Variants in MIPOL1 observed in about 807,000 individuals in gnomAD.
MIPOL1 encodes the protein mirror-image polydactyly gene 1 protein.
In MIPOL1, 57 loss-of-function variants were observed where a neutral mutation model predicts 60.9. That is an observed-to-expected ratio of 0.94 (90% confidence interval 0.76 to 1.17). The LOEUF is 1.17. Ranked by LOEUF, MIPOL1 falls within the 50% of genes most tolerant of loss-of-function variation. The pLI is 0.00. For missense variants in MIPOL1, 551 were observed against 511.6 expected (o/e 1.08, Z -0.74); for synonymous variants, 179 against 168.8 (o/e 1.06, Z -0.47).
At chr14:37,477,720 C>A (rs1329043646) in intron 11 of MIPOL1, among the ~76,000 whole-genome samples, 1 of 152,132 alleles carries the variant, frequency 6.6e-6, no homozygotes, top group African/African-American at 2.4e-5. Flanking sequence ...GAGAAAAAGA[C>A]CCTCCCAGCC....
chr14:37,254,716 T>C (rs1034349296), intron 3 of MIPOL1, among the ~76,000 whole-genome samples: 1 of 151,842 alleles, frequency 6.6e-6, no homozygotes, highest in Non-Finnish European at 1.5e-5. Context: ...TAATTTATAA[T>C]GTTTTAAATC....
At chr14:37,236,113 A>T (rs553181474) in intron 1 of MIPOL1, among the ~76,000 whole-genome samples, 2 of 151,880 alleles carry the variant, frequency 1.3e-5, no homozygotes, top group Admixed American at 1.3e-4. Context: ...TTTAGTAGAG[A>T]CAGGGTTTCA....
At chr14:37,284,500 T>G (rs2084383163) in intron 6 of MIPOL1, among the ~76,000 whole-genome samples, 1 of 151,940 alleles carries the variant, frequency 6.6e-6, no homozygotes, top group Admixed American at 6.6e-5. Flanking sequence ...CCCACCACCA[T>G]GCCTGGCTAA....
At chr14:37,246,489 A>T (rs1470888198) in intron 1 of MIPOL1, among the ~76,000 whole-genome samples, 2 of 151,978 alleles carry the variant, frequency 1.3e-5, no homozygotes, top group Non-Finnish European at 2.9e-5. Flanking sequence ...GGTTTTGTGG[A>T]ATTTTTTTGT....
At chr14:37,402,564 A>G (rs531141521) in intron 10 of MIPOL1, among the ~76,000 whole-genome samples, 2 of 152,176 alleles carry the variant, frequency 1.3e-5, no homozygotes, top group Non-Finnish European at 2.9e-5. Context: ...TTAAATTGAA[A>G]TGCATTGAAA....
At chr14:37,394,614 G>GT (rs924618664) in intron 10 of MIPOL1, among the ~76,000 whole-genome samples, 135 of 151,410 alleles carry the variant, frequency 8.9e-4, no homozygotes, top group African/African-American at 2.9e-3. Flanking sequence ...GGGATTGTTT[G>GT]TTTTTTTTCT....
chr14:37,383,776 A>T (rs141232907), intron 10 of MIPOL1, among the ~76,000 whole-genome samples: 10 of 151,968 alleles, frequency 6.6e-5, no homozygotes, highest in Non-Finnish European at 1.3e-4. Context: ...AGGTTGTAAA[A>T]TGTAAGTAGT....
chr14:37,284,374 C>G (rs1594897993), intron 6 of MIPOL1, among the ~76,000 whole-genome samples: 1 of 152,052 alleles, frequency 6.6e-6, no homozygotes, highest in Non-Finnish European at 1.5e-5. Context: ...GACTGAGTCT[C>G]ACACTGTTGC....
At chr14:37,366,434 A>G (rs572120858) in intron 9 of MIPOL1, among the ~76,000 whole-genome samples, 1 of 151,864 alleles carries the variant, frequency 6.6e-6, no homozygotes, top group South Asian at 2.1e-4. Flanking sequence ...CATATTGTTT[A>G]ATTTTGGTGT....
rs143186418 is a variant in MIPOL1, at chr14:37,435,575, C to A, written c.1031+12626C>A. On this transcript the variant is annotated intron_variant, in intron 11 of 12. Transcript: ENST00000684589. ...CAGTGCTTGGCATGTCTCTGATGCT[C>A]AATAAGTGTTTTGAATGAATGAGTA... is the stretch of plus-strand genomic sequence containing the variant. Among the ~76,000 whole-genome samples the A allele has an allele frequency of 1.3e-4, 19 of 151,850 alleles. No individual in the cohort carries two copies. In the East Asian group the frequency reaches 3.5e-3, roughly 28 times the overall value.
intron 10 of MIPOL1, among the ~76,000 whole-genome samples, chr14:37,417,669 C>A (rs2093795788): frequency 6.6e-6 from 1 of 152,132 alleles, no homozygotes; most frequent in Admixed American, 6.5e-5. Context: ...GGTCTATGGT[C>A]ATGTTCTTTG....
chr14:37,215,925 A>G (rs964764556), intron 1 of MIPOL1, among the ~76,000 whole-genome samples: 3 of 152,214 alleles, frequency 2.0e-5, no homozygotes, highest in African/African-American at 4.8e-5. Flanking sequence ...AAAATTAGCC[A>G]GGCATGGTGG....
intron 11 of MIPOL1, among the ~76,000 whole-genome samples, chr14:37,480,893 C>T (rs1374914550): frequency 6.6e-6 from 1 of 152,160 alleles, no homozygotes; most frequent in Non-Finnish European, 1.5e-5. Context: ...AATACCAGCA[C>T]TTTGGGAGGC....
intron 3 of MIPOL1, among the ~76,000 whole-genome samples, chr14:37,262,310 T>G (rs1051060982): frequency 2.6e-5 from 4 of 152,048 alleles, no homozygotes; most frequent in Non-Finnish European, 4.4e-5. Context: ...CTAATATTCA[T>G]TAAAAAAAAA....
chr14:37,211,842 G>T (rs1966850662), intron 1 of MIPOL1, among the ~76,000 whole-genome samples: 2 of 151,722 alleles, frequency 1.3e-5, no homozygotes, highest in African/African-American at 4.8e-5. Flanking sequence ...AGAGGGACGA[G>T]TGGGGAGGAC....
chr14:37,346,862 A>G (rs1338142082), intron 9 of MIPOL1, among the ~76,000 whole-genome samples: 2 of 152,206 alleles, frequency 1.3e-5, no homozygotes, highest in Admixed American at 1.3e-4. Context: ...CAGAGAAGTG[A>G]TAATGAAGCT....
chr14:37,491,147 T>A (rs1386365772), intron 11 of MIPOL1, among the ~76,000 whole-genome samples: 1 of 152,178 alleles, frequency 6.6e-6, no homozygotes, highest in Non-Finnish European at 1.5e-5. Context: ...GCTTCCCACA[T>A]CACCAAATTT....
chr14:37,212,925 C>T (rs906223093), intron 1 of MIPOL1, among the ~76,000 whole-genome samples: 1 of 152,166 alleles, frequency 6.6e-6, no homozygotes, highest in Non-Finnish European at 1.5e-5. Flanking sequence ...ATAAGAATCT[C>T]TGCCTGGTAT....
At chr14:37,368,249 AT>A (rs2092538702) in intron 9 of MIPOL1, among the ~76,000 whole-genome samples, 1 of 152,114 alleles carries the variant, frequency 6.6e-6, no homozygotes, top group Admixed American at 6.6e-5. Context: ...TGTATTATAT[AT>A]GTATGAAGTG....
Sources: allele counts gnomAD v4.1 joint callset (sites outside exome capture counted in the v4.1 genomes callset), GRCh38; gene constraint gnomAD v4.1.1; transcripts MANE v1.5; gene names NCBI Gene and HGNC (gene_info 2026-07-23, HGNC 2026-07-21).